The following PHKA1 variants were observed in gnomAD, a reference collection of about 807,000 sequenced individuals.
PHKA1 encodes phosphorylase kinase regulatory subunit alpha 1.
A neutral mutation model predicts 110.2 loss-of-function variants in PHKA1; 60 were observed. That is an observed-to-expected ratio of 0.54 (90% CI 0.44 to 0.68). PHKA1 has a LOEUF of 0.68. PHKA1 is among the 30% of genes least tolerant of loss of function. The pLI is 0.00. For missense variants in PHKA1, 801 were observed against 942.5 expected (o/e 0.85, Z 1.97); for synonymous variants, 316 against 333.6 (o/e 0.95, Z 0.58).
At chrX:72,649,868 T>C (rs1468360485) in intron 13 of PHKA1, among the ~76,000 whole-genome samples, 1 of 109,820 alleles carries the variant, frequency 9.1e-6, no homozygotes, top group Non-Finnish European at 1.9e-5. Context: ...GGTGCGCGAC[T>C]GTGATCCCAG....
chrX:72,617,402 A>T (rs1457438007), intron 21 of PHKA1, among the ~76,000 whole-genome samples: 1 of 111,139 alleles, frequency 9.0e-6, no homozygotes, highest in East Asian at 2.8e-4. Context: ...CACCTGTGGT[A>T]CCAGCTACTC....
intron 4 of PHKA1, chrX:72,688,809 C>T (rs1266207486): frequency 5.3e-5 from 6 of 112,446 alleles, no homozygotes; most frequent in Non-Finnish European, 1.1e-4. Flanking sequence ...CTAAAAGTAT[C>T]TCACGTAGTA....
chrX:72,710,239 C>CT (rs1238539773), intron 2 of PHKA1, among the ~76,000 whole-genome samples: 1 of 111,518 alleles, frequency 9.0e-6, no homozygotes, highest in Non-Finnish European at 1.9e-5. Context: ...TTATATGTGG[C>CT]TTTTTTCCAA....
chrX:72,669,328 G>A (rs2053651205), intron 6 of PHKA1, among the ~76,000 whole-genome samples: 1 of 111,424 alleles, frequency 9.0e-6, no homozygotes, highest in Admixed American at 9.5e-5. Flanking sequence ...GTCTCTGCCT[G>A]GGCCCAGAAG....
At chrX:72,621,562 G>A (rs1357949490) in intron 18 of PHKA1, among the ~76,000 whole-genome samples, 2 of 111,605 alleles carry the variant, frequency 1.8e-5, no homozygotes, top group African/African-American at 3.3e-5. Context: ...ATATTCACAA[G>A]GTTTATAGTT....
At position 72,605,361 on chromosome X, in the gene PHKA1, G is replaced by C. The variant is rs1179242925; in HGVS notation, c.2725C>G (p.Pro909Ala). 3.1e-5 allele frequency: 37 copies of C among 1,204,847 alleles called. No individual in the cohort carries two copies. The highest frequency in any genetic ancestry group is 2.3e-4 in the Middle Eastern group (1 of 4,354). ...VYLAMYMRTQPGLFAEMFRLR... is the reference protein window; with the variant it reads ...VYLAMYMRTQAGLFAEMFRLR... ...CGAAACATTTCAGCAAAGAGGCCAG[G>C]CTGGGTTCGCATATACATGGCTAGA... Residue 909 changes from proline to alanine, a missense_variant, in exon 25 of 32, where the codon CCT becomes GCT. Pro to Ala is a conservative substitution (Grantham distance 27). Transcript: ENST00000373542.
intron 9 of PHKA1, 94 bp from the exon 10 acceptor site, chrX:72,656,336 GT>G: frequency 2.1e-6 from 2 of 947,013 alleles, no homozygotes; most frequent in Non-Finnish European, 3.0e-6. Context: ...ATTACTGATT[GT>G]TTTAGAGAAG....
At chrX:72,667,790 AATTT>A (rs782690661) in intron 6 of PHKA1, among the ~76,000 whole-genome samples, 170 of 111,587 alleles carry the variant, frequency 1.5e-3, no homozygotes, top group African/African-American at 3.9e-3. Context: ...TTTAAAATAG[AATTT>A]ATTTATTTAT....
chrX:72,665,174 G>T (rs1389190161), intron 8 of PHKA1, among the ~76,000 whole-genome samples: 1 of 110,693 alleles, frequency 9.0e-6, no homozygotes, highest in Non-Finnish European at 1.9e-5. Context: ...AAGAATAAAA[G>T]ACCCAAGTAA....
rs781909169 is a variant in PHKA1, at chrX:72,676,145, G to A, written c.543C>T (p.Phe181=). Residue 181 remains phenylalanine, a synonymous_variant, in exon 6 of 32, where the codon TTC becomes TTT. Coordinates refer to ENST00000373542, the MANE Select transcript of PHKA1 (RefSeq NM_002637.4). The part of the protein sequence containing the change: ...YIEAAYKTAD[F]GIWERGDKTN... Reference sequence around the variant, plus strand: ...TCTTGTCTCCACGTTCCCATATCCCGAAGTCCTGGCATAAAATAACCAATA... The same window carrying A: ...TCTTGTCTCCACGTTCCCATATCCCAAAGTCCTGGCATAAAATAACCAATA... 4.4e-5 allele frequency: 53 copies of A among 1,198,583 alleles called. No individual in the cohort carries two copies. Among genetic ancestry groups the A allele is most frequent in the African/African-American group, 1.4e-4 (8 of 56,541 alleles).
At chrX:72,667,763 AATGAG>A (rs1336399369) in intron 6 of PHKA1, among the ~76,000 whole-genome samples, 4 of 111,235 alleles carry the variant, frequency 3.6e-5, no homozygotes, top group African/African-American at 1.3e-4. Context: ...TCCACATATA[AATGAG>A]ATATTATGTT....
At chrX:72,620,648 T>G in intron 19 of PHKA1, 77 bp downstream of exon 19, 1 of 879,659 alleles carries the variant, frequency 1.1e-6, no homozygotes, top group Non-Finnish European at 1.7e-6. Context: ...CCTGCTTACA[T>G]TGTAATCAAT....
intron 1 of PHKA1, 109 bp downstream of exon 1, chrX:72,713,694 A>ACACC (rs2054418411): frequency 2.0e-5 from 12 of 600,673 alleles, no homozygotes; most frequent in Admixed American, 7.9e-5. Context: ...ACACACACAC[A>ACACC]CACACACCCA....
At chrX:72,651,888 A>G (rs1038817915) in intron 12 of PHKA1, among the ~76,000 whole-genome samples, 16 of 111,923 alleles carry the variant, frequency 1.4e-4, no homozygotes, top group African/African-American at 4.9e-4. Context: ...AATAACATAG[A>G]GTGGGGAAGT....
intron 10 of PHKA1, among the ~76,000 whole-genome samples, chrX:72,654,821 G>T (rs2053470869): frequency 1.0e-5 from 1 of 95,485 alleles, no homozygotes; most frequent in African/African-American, 3.9e-5. Context: ...TTTTTGAGAC[G>T]GAGTCTCGCT....
chrX:72,695,619 G>T, intron 4 of PHKA1, 89 bp downstream of exon 4: 1 of 927,545 alleles, frequency 1.1e-6, no homozygotes, highest in Non-Finnish European at 1.5e-6. Context: ...ATCTACCCCA[G>T]CCTTCCCGGT....
chrX:72,620,938 A>C, intron 18 of PHKA1, 37 bp from the exon 19 acceptor site: 1 of 1,188,237 alleles, frequency 8.4e-7, no homozygotes, highest in Non-Finnish European at 1.1e-6. Flanking sequence ...AGAGAAAAGA[A>C]TGAAAATATT....
At chrX:72,629,611 C>A (rs906406537) in intron 16 of PHKA1, among the ~76,000 whole-genome samples, 25 of 111,701 alleles carry the variant, frequency 2.2e-4, no homozygotes, top group Admixed American at 8.5e-4. Flanking sequence ...GATATTTGAA[C>A]TGATGTATTT....
intron 7 of PHKA1, 127 bp from the exon 8 acceptor site, chrX:72,666,424 C>A: frequency 1.7e-6 from 1 of 579,276 alleles, no homozygotes. Flanking sequence ...CATTCTTTAT[C>A]TATTTTAAGT....
Sources: allele counts gnomAD v4.1 joint callset (sites outside exome capture counted in the v4.1 genomes callset), GRCh38; gene constraint gnomAD v4.1.1; transcripts MANE v1.5; gene names NCBI Gene and HGNC (gene_info 2026-07-23, HGNC 2026-07-21).